TMEM131: variants seen among roughly 807,000 people sequenced by gnomAD.
TMEM131 encodes 2610524E03Rik.
A neutral mutation model predicts 211.6 loss-of-function variants in TMEM131; 66 were observed. That is an observed-to-expected ratio of 0.31 (90% CI 0.26 to 0.38). TMEM131 has a LOEUF of 0.38. Ranked by LOEUF, TMEM131 falls within the 10% of genes least tolerant of loss-of-function variation. The pLI is 1.00. For synonymous variants in TMEM131, 844 were observed against 841.3 expected (o/e 1.00, Z -0.06); for missense variants, 2,036 against 2,299.3 (o/e 0.89, Z 2.34).
At chr2:97,952,375 T>G (rs1228008803) in intron 1 of TMEM131, among the ~76,000 whole-genome samples, 2 of 152,100 alleles carry the variant, frequency 1.3e-5, no homozygotes, top group Non-Finnish European at 1.5e-5. Flanking sequence ...GAATTCCAGA[T>G]AGGATAAACC....
intron 30 of TMEM131, 163 bp downstream of exon 30, chr2:97,793,232 T>A: frequency 2.8e-6 from 2 of 726,572 alleles, no homozygotes; most frequent in Non-Finnish European, 4.4e-6. Context: ...GTATCCAGCA[T>A]GAGCTCTAAG....
intron 4 of TMEM131, among the ~76,000 whole-genome samples, chr2:97,882,366 C>T (rs1247897373): frequency 6.6e-6 from 1 of 152,202 alleles, no homozygotes; most frequent in Non-Finnish European, 1.5e-5. Context: ...AACCTAAGTG[C>T]TGCTGGGAGA....
chr2:97,779,805 A>T (rs1573347676), intron 31 of TMEM131, among the ~76,000 whole-genome samples: 1 of 152,212 alleles, frequency 6.6e-6, no homozygotes, highest in Non-Finnish European at 1.5e-5. Context: ...ACTTGAGGCC[A>T]GGTGTTCCAG....
At chr2:97,934,566 A>T (rs192638265) in intron 1 of TMEM131, among the ~76,000 whole-genome samples, 4 of 152,344 alleles carry the variant, frequency 2.6e-5, no homozygotes, top group Admixed American at 2.6e-4. Flanking sequence ...AACAATCTTC[A>T]AAAACAAGAA....
chr2:97,840,328 G>A (rs762130468), intron 7 of TMEM131, among the ~76,000 whole-genome samples: 1 of 152,208 alleles, frequency 6.6e-6, no homozygotes, highest in Admixed American at 6.5e-5. Flanking sequence ...AGTCCTGCAA[G>A]CTCCATCCTT....
chr2:97,775,191 G>C (rs1335689772), intron 32 of TMEM131, among the ~76,000 whole-genome samples: 1 of 152,120 alleles, frequency 6.6e-6, no homozygotes, highest in Non-Finnish European at 1.5e-5. Context: ...CCGTCACTAA[G>C]GCCCACTGGA....
rs749944160 is a variant in TMEM131, at chr2:97,757,195, C to G, written c.5556G>C (p.Leu1852Phe). The change falls in exon 41 of 41, where the codon TTG becomes TTC. Residue 1852 changes from leucine to phenylalanine, a missense_variant. By Grantham distance (22) the Leu-to-Phe change is conservative. Around this residue, in one of 3 missense-constraint regions of TMEM131, gnomAD observed 1,623 missense variants for 1,805.9 expected, o/e 0.90. Transcript: ENST00000186436. ...TCCGCCACGGGTTGTAGGTCTGTCC[C>G]AAGTCGTCAGCTGGACTGGAGGTGG... ...APSTSSPADD[L>F]GQTYNPWRIW... 2.5e-6 allele frequency: 4 copies of G among 1,613,860 alleles called. No individual in the cohort carries two copies. Among genetic ancestry groups the G allele is most frequent in the African/African-American group, 2.7e-5 (2 of 74,896 alleles).
intron 4 of TMEM131, among the ~76,000 whole-genome samples, chr2:97,864,324 G>T (rs1035413640): frequency 6.6e-6 from 1 of 151,774 alleles, no homozygotes; most frequent in Non-Finnish European, 1.5e-5. Context: ...AGCACAACAC[G>T]GTGACTACAG....
intron 11 of TMEM131, among the ~76,000 whole-genome samples, chr2:97,819,519 C>T (rs13008968): frequency 0.33 from 50,292 of 152,028 alleles, 9,211 homozygotes; most frequent in Non-Finnish European, 0.39. Context: ...AGCTAGGCAT[C>T]AACAGGTAGG....
chr2:97,967,887 T>C (rs1679126386), intron 1 of TMEM131, among the ~76,000 whole-genome samples: 1 of 151,544 alleles, frequency 6.6e-6, no homozygotes, highest in Non-Finnish European at 1.5e-5. Context: ...CCACTTTTTT[T>C]AGGTTGTTTT....
intron 12 of TMEM131, among the ~76,000 whole-genome samples, chr2:97,816,294 T>C (rs997497503): frequency 1.3e-5 from 2 of 152,072 alleles, no homozygotes; most frequent in Non-Finnish European, 2.9e-5. Flanking sequence ...TGAGCCGAGA[T>C]TGCGCCATTG....
intron 7 of TMEM131, 51 bp downstream of exon 7, chr2:97,841,764 A>T: frequency 6.6e-7 from 1 of 1,522,178 alleles, no homozygotes; most frequent in Non-Finnish European, 8.8e-7. Context: ...CATGCTAAGC[A>T]TTAATTCCCA....
At chr2:97,894,110 T>C (rs529544661) in intron 3 of TMEM131, among the ~76,000 whole-genome samples, 1 of 152,378 alleles carries the variant, frequency 6.6e-6, no homozygotes, top group African/African-American at 2.4e-5. Context: ...TAGCCAGTTT[T>C]CCCAACATCA....
At chr2:97,966,884 CACT>C (rs923495392) in intron 1 of TMEM131, among the ~76,000 whole-genome samples, 71 of 152,214 alleles carry the variant, frequency 4.7e-4, no homozygotes, top group African/African-American at 1.7e-3. Context: ...CTCTCTACAC[CACT>C]GAGAAAGGTA....
chr2:97,943,017 A>AAAGAAAAG (rs1431384434), intron 1 of TMEM131, among the ~76,000 whole-genome samples: 58 of 43,296 alleles, frequency 1.3e-3, no homozygotes, highest in African/African-American at 4.9e-3. Context: ...GAAAGAAAAG[A>AAAGAAAAG]AAAGAAAAGA....
At chr2:97,882,575 T>C (rs971807027) in intron 4 of TMEM131, among the ~76,000 whole-genome samples, 6 of 152,252 alleles carry the variant, frequency 3.9e-5, no homozygotes, top group Admixed American at 3.9e-4. Flanking sequence ...GATACTTATC[T>C]GTGGACAAGA....
chr2:97,952,642 C>G (rs559751436), intron 1 of TMEM131, among the ~76,000 whole-genome samples: 310 of 152,228 alleles, frequency 2.0e-3, no homozygotes, highest in African/African-American at 7.4e-3. Context: ...TTTGGGAGGC[C>G]GAGGCGGGAG....
intron 22 of TMEM131, 80 bp from the exon 23 acceptor site, chr2:97,802,870 T>C (rs1159739763): frequency 7.9e-7 from 1 of 1,269,742 alleles, no homozygotes; most frequent in Non-Finnish European, 1.1e-6. Context: ...ATTAGGCTTA[T>C]GTACTTGAGA....
chr2:97,932,352 T>C (rs542605140), intron 1 of TMEM131, among the ~76,000 whole-genome samples: 1 of 152,300 alleles, frequency 6.6e-6, no homozygotes, highest in Admixed American at 6.5e-5. Context: ...ATTAGTTTTA[T>C]TATCTGAAAA....
Sources: allele counts gnomAD v4.1 joint callset (sites outside exome capture counted in the v4.1 genomes callset), GRCh38; gene constraint gnomAD v4.1.1; regional missense constraint gnomAD v4.1.1; transcripts MANE v1.5; gene names NCBI Gene and HGNC (gene_info 2026-07-23, HGNC 2026-07-21).